PATJ: variants seen among roughly 807,000 people sequenced by gnomAD.
PATJ encodes inaD-like protein.
In PATJ, 190 loss-of-function variants were observed where a neutral mutation model predicts 224.9. That is an observed-to-expected ratio of 0.84 (90% CI 0.75 to 0.95). The LOEUF is 0.95. PATJ is among the 40% of genes least tolerant of loss of function. The probability of loss-of-function intolerance (pLI) is 0.00; values close to 1 mark genes in which losing one functional copy is unlikely to be tolerated. For missense variants in PATJ, 2,121 were observed against 2,270.3 expected (o/e 0.93, Z 1.34); for synonymous variants, 769 against 820.3 (o/e 0.94, Z 1.07).
chr1:61,806,385 C>T (rs1403208421), intron 13 of PATJ, among the ~76,000 whole-genome samples: 1 of 151,654 alleles, frequency 6.6e-6, no homozygotes, highest in Non-Finnish European at 1.5e-5. Flanking sequence ...TTTGGGAGGC[C>T]GAGGCGGGCG....
chr1:62,125,702 T>C (rs1665649883), intron 39 of PATJ, among the ~76,000 whole-genome samples: 1 of 152,232 alleles, frequency 6.6e-6, no homozygotes, highest in Non-Finnish European at 1.5e-5. Context: ...CACTTGTTTT[T>C]ACAGGCTTTT....
Position 62,002,828 on chromosome 1 carries a change from G to A in PATJ, c.3867+12464G>A, listed in dbSNP as rs75077291. ...GGTTTTTCACTATGTCTATACAAGG[G>A]ACAAGTGAAATACTTTGAAGGCAAG... On this transcript the variant is annotated intron_variant, in intron 28 of 43. Coordinates refer to ENST00000642238, the MANE Select transcript of PATJ (RefSeq NM_001350145.3). Among the ~76,000 whole-genome samples the A allele has an allele frequency of 1.5e-3, 233 of 152,222 alleles. 6 individuals carry two copies. The East Asian group carries it at 0.042, about 28-fold the overall frequency.
At chr1:61,939,676 C>CCT (rs1677479352) in intron 27 of PATJ, among the ~76,000 whole-genome samples, 1 of 58,874 alleles carries the variant, frequency 1.7e-5, no homozygotes, top group African/African-American at 9.4e-5. Flanking sequence ...TTTCTATGTG[C>CCT]TTTTTTTTTT....
intron 24 of PATJ, 113 bp from the exon 25 acceptor site, chr1:61,908,259 A>G: frequency 1.5e-6 from 1 of 681,450 alleles, no homozygotes; most frequent in Non-Finnish European, 2.5e-6. Context: ...CTGACCGTCT[A>G]CTCATTAGAC....
intron 27 of PATJ, among the ~76,000 whole-genome samples, chr1:61,963,139 C>T (rs936209032): frequency 3.5e-5 from 4 of 114,966 alleles, no homozygotes; most frequent in East Asian, 3.9e-4. Context: ...GCAGGATTTC[C>T]ACTGGTAGGT....
At position 62,013,360 on chromosome 1, in the gene PATJ, G is replaced by A. The variant is rs181142214; in HGVS notation, c.3868-4496G>A. The A allele has an allele frequency of 2.0e-5, 20 of 985,296 alleles. No individual in the cohort carries two copies. In the African/African-American group the frequency reaches 3.1e-4, roughly 15 times the overall value. The allele number at this position is 985,296 out of a possible 1,614,324, so 61.0% of individuals were successfully genotyped here. ...AACCTTAGTCACTTCGAAGGCTGGA[G>A]CCCATGTTAGTGAAAGCCTACTCGC... On this transcript the variant is annotated intron_variant, in intron 28 of 43. Coordinates refer to ENST00000642238, the MANE Select transcript of PATJ (RefSeq NM_001350145.3).
intron 26 of PATJ, among the ~76,000 whole-genome samples, chr1:61,925,409 C>G (rs1269196386): frequency 6.6e-6 from 1 of 152,196 alleles, no homozygotes; most frequent in Non-Finnish European, 1.5e-5. Context: ...TAAAACCAAA[C>G]TTCATTTATT....
chr1:61,824,917 C>CTA (rs1316091398), intron 15 of PATJ, among the ~76,000 whole-genome samples: 2 of 152,190 alleles, frequency 1.3e-5, no homozygotes, highest in African/African-American at 4.8e-5. Context: ...AAAGAATGTG[C>CTA]TATAATAAGG....
intron 26 of PATJ, among the ~76,000 whole-genome samples, chr1:61,915,431 C>T (rs938184610): frequency 2.6e-5 from 4 of 152,090 alleles, no homozygotes; most frequent in Non-Finnish European, 5.9e-5. Flanking sequence ...CCTGATAGAG[C>T]ACTTTCTTTT....
At chr1:61,853,163 A>G (rs1663107252) in intron 17 of PATJ, among the ~76,000 whole-genome samples, 1 of 152,194 alleles carries the variant, frequency 6.6e-6, no homozygotes, top group African/African-American at 2.4e-5. Context: ...AGAAGGCCTC[A>G]CTTTGTGTAA....
chr1:62,128,384 A>G (rs1001340322), intron 40 of PATJ: 1 of 327,434 alleles, frequency 3.1e-6, no homozygotes. Flanking sequence ...ATCAGCTCTC[A>G]ACTGAGAGAC....
intron 22 of PATJ, among the ~76,000 whole-genome samples, chr1:61,896,511 C>G (rs950138685): frequency 6.6e-6 from 1 of 152,084 alleles, no homozygotes; most frequent in Admixed American, 6.6e-5. Context: ...TGAGATGAGA[C>G]TTTGGACTTG....
At chr1:61,994,122 A>G (rs1207857572) in intron 28 of PATJ, among the ~76,000 whole-genome samples, 2 of 152,244 alleles carry the variant, frequency 1.3e-5, no homozygotes, top group Non-Finnish European at 2.9e-5. Context: ...CTAATTATTT[A>G]TCTTCTTTAA....
At chr1:62,088,083 G>T (rs1166540383) in intron 33 of PATJ, among the ~76,000 whole-genome samples, 1 of 151,948 alleles carries the variant, frequency 6.6e-6, no homozygotes, top group Admixed American at 6.6e-5. Context: ...TAGAGACGGG[G>T]TTTCTCCATG....
chr1:61,866,160 A>G (rs1424710483), intron 20 of PATJ, among the ~76,000 whole-genome samples: 1 of 152,236 alleles, frequency 6.6e-6, no homozygotes, highest in Non-Finnish European at 1.5e-5. Context: ...GCCAAACAGC[A>G]TACATATTCA....
intron 37 of PATJ, among the ~76,000 whole-genome samples, chr1:62,117,783 CTA>C (rs890656643): frequency 2.0e-5 from 3 of 151,986 alleles, no homozygotes; most frequent in Non-Finnish European, 2.9e-5. Flanking sequence ...GTATATTTCA[CTA>C]TATTTTTTTC....
At chr1:62,053,156 C>G (rs1653933871) in intron 31 of PATJ, among the ~76,000 whole-genome samples, 1 of 152,204 alleles carries the variant, frequency 6.6e-6, no homozygotes, top group African/African-American at 2.4e-5. Flanking sequence ...GTTGAAGAGG[C>G]AGAGGGCCTG....
At chr1:61,779,212 T>C (rs1448174137) in intron 7 of PATJ, among the ~76,000 whole-genome samples, 1 of 152,214 alleles carries the variant, frequency 6.6e-6, no homozygotes, top group Admixed American at 6.5e-5. Context: ...AAAAAGATAT[T>C]ATTTTAAAAA....
chr1:61,934,823 C>T (rs1186450202), intron 27 of PATJ, among the ~76,000 whole-genome samples: 1 of 152,140 alleles, frequency 6.6e-6, no homozygotes, highest in Non-Finnish European at 1.5e-5. Context: ...CTCGGATAGT[C>T]AACAGTGGGG....
Sources: gnomAD v4.1 joint callset for allele counts (sites outside exome capture counted in the v4.1 genomes callset) on GRCh38, gnomAD v4.1.1 for gene constraint, MANE v1.5 for transcripts, NCBI Gene and HGNC (gene_info 2026-07-23, HGNC 2026-07-21) for gene names.